Variants in PDE4D observed in about 807,000 individuals in gnomAD.
The protein encoded by PDE4D is 3',5'-cyclic-AMP phosphodiesterase 4D.
In PDE4D, 24 loss-of-function variants were observed where a neutral mutation model predicts 87.4. The ratio of observed to expected loss-of-function variants is 0.27; its 90% CI spans 0.20 to 0.39. PDE4D has a LOEUF of 0.39. Ranked by LOEUF, PDE4D falls within the 10% of genes least tolerant of loss-of-function variation. PDE4D has a pLI of 1.00. For missense variants in PDE4D, 714 were observed against 1,041.0 expected (o/e 0.69, Z 4.32); for synonymous variants, 384 against 383.2 (o/e 1.00, Z -0.02).
At chr5:60,270,372 A>ATTAG (rs1230372374) in intron 1 of PDE4D, among the ~76,000 whole-genome samples, 1 of 152,190 alleles carries the variant, frequency 6.6e-6, no homozygotes, top group Non-Finnish European at 1.5e-5. Flanking sequence ...AATCTAATAA[A>ATTAG]TTAGTTATTA....
intron 5 of PDE4D, among the ~76,000 whole-genome samples, chr5:59,143,276 A>G (rs531305881): frequency 6.5e-4 from 99 of 151,684 alleles, no homozygotes; most frequent in Middle Eastern, 3.4e-3. Flanking sequence ...TTAACTCTAC[A>G]CTTTTATTCA....
chr5:59,019,996 TA>T (rs1357937186), intron 6 of PDE4D, among the ~76,000 whole-genome samples: 1 of 152,150 alleles, frequency 6.6e-6, no homozygotes, highest in Non-Finnish European at 1.5e-5. Flanking sequence ...ATAATTGGGC[TA>T]AAACAAAAAT....
At chr5:59,136,382 A>G (rs1777083893) in intron 5 of PDE4D, among the ~76,000 whole-genome samples, 1 of 152,226 alleles carries the variant, frequency 6.6e-6, no homozygotes, top group South Asian at 2.1e-4. Context: ...TCAGTTTCAC[A>G]GCTAAGACTT....
chr5:59,403,131 A>T (rs1249645747), intron 1 of PDE4D, among the ~76,000 whole-genome samples: 1 of 140,844 alleles, frequency 7.1e-6, no homozygotes, highest in African/African-American at 2.7e-5. Flanking sequence ...GGTACATAAT[A>T]GGTAGGTAGG....
intron 5 of PDE4D, among the ~76,000 whole-genome samples, chr5:59,135,111 T>C (rs913202269): frequency 6.6e-6 from 1 of 152,056 alleles, no homozygotes; most frequent in South Asian, 2.1e-4. Context: ...ATTGAAGGGG[T>C]TGCACCTCAC....
intron 1 of PDE4D, among the ~76,000 whole-genome samples, chr5:59,263,343 T>C (rs555422277): frequency 6.6e-6 from 1 of 151,906 alleles, no homozygotes; most frequent in Admixed American, 6.6e-5. Context: ...AGACAATAAT[T>C]GTAATCCTTC....
intron 2 of PDE4D, among the ~76,000 whole-genome samples, chr5:60,058,855 T>A (rs952268386): frequency 5.9e-5 from 9 of 152,086 alleles, no homozygotes; most frequent in South Asian, 2.1e-4. Flanking sequence ...CTCATTTTTT[T>A]AAAAATAAAA....
At chr5:59,296,100 A>G in intron 1 of PDE4D, among the ~76,000 whole-genome samples, 1 of 152,068 alleles carries the variant, frequency 6.6e-6, no homozygotes, top group Non-Finnish European at 1.5e-5. Flanking sequence ...GACTGGCCTA[A>G]CAAAACAAGT....
intron 1 of PDE4D, among the ~76,000 whole-genome samples, chr5:60,496,748 G>A (rs985142156): frequency 3.3e-5 from 5 of 152,180 alleles, no homozygotes; most frequent in Non-Finnish European, 7.3e-5. Flanking sequence ...AGGACATAGA[G>A]TTGATAGGTG....
Position 58,973,440 on chromosome 5 carries a change from T to TGAGCATGAAATGTGTGGATTATTA in PDE4D, c.*1200_*1223dup, listed in dbSNP as rs765434017. On this transcript the variant is annotated 3_prime_UTR_variant, in exon 15 of 15. Transcript: ENST00000340635. ...TAACTGGCTGTAAAAACAATAAAAATGAGCATGAAATGTGTGGATTATTAG... is the reference window on the plus strand; with the variant it reads ...TAACTGGCTGTAAAAACAATAAAAATGAGCATGAAATGTGTGGATTATTAGAGCATGAAATGTGTGGATTATTAG... The TGAGCATGAAATGTGTGGATTATTA allele has an allele frequency of 3.3e-5, 5 of 152,364 alleles. No individual in the cohort carries two copies. Among genetic ancestry groups the TGAGCATGAAATGTGTGGATTATTA allele is most frequent in the African/African-American group, 9.7e-5 (4 of 41,400 alleles). The allele number at this position is 152,364 out of a possible 1,614,324, so 9.4% of individuals were successfully genotyped here. A position where few individuals can be genotyped will look rare whatever the true frequency, so the allele number is the denominator to read the frequency against.
At chr5:59,126,108 AGAGAGAG>A (rs778791019) in intron 5 of PDE4D, among the ~76,000 whole-genome samples, 2,048 of 108,208 alleles carry the variant, frequency 0.019, 55 homozygotes, top group African/African-American at 0.058. Context: ...AAAAAAAAAA[AGAGAGAG>A]AGAGAGAGAG....
At chr5:60,007,468 C>T (rs1427256294) in intron 2 of PDE4D, among the ~76,000 whole-genome samples, 1 of 151,946 alleles carries the variant, frequency 6.6e-6, no homozygotes, top group Admixed American at 6.6e-5. Flanking sequence ...TCAGAAAAAT[C>T]TCAACTATTG....
intron 1 of PDE4D, among the ~76,000 whole-genome samples, chr5:59,713,694 G>A (rs1055311752): frequency 3.3e-5 from 5 of 152,182 alleles, no homozygotes; most frequent in Admixed American, 2.0e-4. Flanking sequence ...TGTGCTGCAA[G>A]GGTGAACTCT....
chr5:60,314,478 T>A (rs1016419683), intron 1 of PDE4D, among the ~76,000 whole-genome samples: 10 of 152,002 alleles, frequency 6.6e-5, no homozygotes, highest in African/African-American at 2.4e-4. Flanking sequence ...ACAGTATGAT[T>A]TTATTTTATT....
intron 1 of PDE4D, among the ~76,000 whole-genome samples, chr5:60,395,867 T>C (rs372209031): frequency 7.9e-5 from 12 of 152,000 alleles, no homozygotes; most frequent in African/African-American, 2.9e-4. Context: ...TTGAGCCCCC[T>C]AACCAATATC....
At chr5:59,155,690 T>C (rs1170908397) in intron 5 of PDE4D, among the ~76,000 whole-genome samples, 3 of 151,510 alleles carry the variant, frequency 2.0e-5, no homozygotes, top group South Asian at 2.1e-4. Context: ...ATGTGAGAGA[T>C]AGAAAGGAAA....
intron 1 of PDE4D, among the ~76,000 whole-genome samples, chr5:59,648,596 C>T (rs1019559892): frequency 1.3e-5 from 2 of 152,054 alleles, no homozygotes; most frequent in Non-Finnish European, 2.9e-5. Context: ...TGGACTAACA[C>T]TGACAGCAAG....
intron 1 of PDE4D, among the ~76,000 whole-genome samples, chr5:59,647,360 G>A (rs1195012888): frequency 6.6e-6 from 1 of 151,858 alleles, no homozygotes; most frequent in African/African-American, 2.4e-5. Context: ...TAGATAAACT[G>A]AGGTCTGTAT....
chr5:59,341,438 T>C (rs754111747), intron 1 of PDE4D, among the ~76,000 whole-genome samples: 5 of 152,146 alleles, frequency 3.3e-5, no homozygotes, highest in Non-Finnish European at 5.9e-5. Context: ...AGCCAAGGGA[T>C]TTTTGTAATT....
Sources: allele counts gnomAD v4.1 joint callset (sites outside exome capture counted in the v4.1 genomes callset), GRCh38; gene constraint gnomAD v4.1.1; transcripts MANE v1.5; gene names NCBI Gene and HGNC (gene_info 2026-07-23, HGNC 2026-07-21).